PCDH9: variants seen among roughly 807,000 people sequenced by gnomAD.
The protein encoded by PCDH9 is protocadherin 9.
Under a neutral mutation model 70.6 loss-of-function variants are expected in PCDH9, and 24 were observed. That is an observed-to-expected ratio of 0.34 (90% CI 0.25 to 0.48). The LOEUF (loss-of-function observed/expected upper bound fraction) is 0.48. Ranked by LOEUF, PCDH9 falls within the 20% of genes least tolerant of loss-of-function variation. The pLI is 0.99. For missense variants in PCDH9, 1,281 were observed against 1,503.6 expected, an observed-to-expected ratio of 0.85 and a Z score of 2.45; for synonymous variants, 562 against 558.5, an observed-to-expected ratio of 1.01 and a Z score of -0.09.
chr13:66,758,703 T>C (rs766689681), intron 3 of PCDH9, among the ~76,000 whole-genome samples: 5 of 152,052 alleles, frequency 3.3e-5, no homozygotes, highest in Non-Finnish European at 5.9e-5. Context: ...TTGGTATTAA[T>C]TATTCTTTAA....
At chr13:66,536,598 A>G (rs1960713459) in intron 4 of PCDH9, among the ~76,000 whole-genome samples, 1 of 152,174 alleles carries the variant, frequency 6.6e-6, no homozygotes, top group African/African-American at 2.4e-5. Flanking sequence ...CAATACAAAT[A>G]CAAATGACCA....
rs920454197 is a variant in PCDH9 at position 67,154,117 on chromosome 13, C to A, written c.3036+71288G>T. Among the ~76,000 whole-genome samples the A allele has an allele frequency of 7.9e-5, 12 of 151,994 alleles. No individual in the cohort carries two copies. The South Asian group carries it at 1.7e-3, about 21-fold the overall frequency. ...TCCTCCTATAAGACAAAAAACAGTACATGTATATAAGATAATTAAGCACTA... is the reference window on the plus strand; with the variant it reads ...TCCTCCTATAAGACAAAAAACAGTAAATGTATATAAGATAATTAAGCACTA... On this transcript the variant is annotated intron_variant, in intron 2 of 4. Transcript: ENST00000377865.
chr13:66,369,594 A>T (rs1182788187), intron 4 of PCDH9, among the ~76,000 whole-genome samples: 1 of 152,126 alleles, frequency 6.6e-6, no homozygotes, highest in African/African-American at 2.4e-5. Context: ...TTTTTTGAAA[A>T]AGAAGGTAAT....
chr13:67,054,097 A>T (rs547014674), intron 2 of PCDH9, among the ~76,000 whole-genome samples: 203 of 152,278 alleles, frequency 1.3e-3, no homozygotes, highest in African/African-American at 4.7e-3. Context: ...GACTGGTGAA[A>T]TAACTGGCAA....
intron 2 of PCDH9, among the ~76,000 whole-genome samples, chr13:67,110,871 C>T (rs569402998): frequency 1.3e-5 from 2 of 152,294 alleles, no homozygotes; most frequent in East Asian, 3.9e-4. Context: ...TATCCTGTTA[C>T]CCTGTTTCGT....
intron 2 of PCDH9, among the ~76,000 whole-genome samples, chr13:67,164,971 A>G (rs1344900429): frequency 2.6e-5 from 4 of 152,284 alleles, no homozygotes; most frequent in Admixed American, 2.0e-4. Flanking sequence ...TACCTCCATG[A>G]AAGCCCCAGC....
At chr13:66,531,618 T>C (rs774759220) in intron 4 of PCDH9, among the ~76,000 whole-genome samples, 6 of 152,128 alleles carry the variant, frequency 3.9e-5, no homozygotes, top group African/African-American at 7.2e-5. Flanking sequence ...CTAAGTAATA[T>C]TGATTATGCT....
chr13:66,518,545 A>T (rs1959847150), intron 4 of PCDH9, among the ~76,000 whole-genome samples: 2 of 152,144 alleles, frequency 1.3e-5, no homozygotes, highest in South Asian at 2.1e-4. Context: ...ATGAAAGCAC[A>T]CTTTTTTATG....
At chr13:66,822,015 C>T (rs2080719535) in intron 3 of PCDH9, among the ~76,000 whole-genome samples, 1 of 152,058 alleles carries the variant, frequency 6.6e-6, no homozygotes, top group Admixed American at 6.6e-5. Flanking sequence ...TTTGATGCCT[C>T]AACCTATATC....
At chr13:66,455,673 C>G (rs949697034) in intron 4 of PCDH9, among the ~76,000 whole-genome samples, 4 of 152,022 alleles carry the variant, frequency 2.6e-5, no homozygotes, top group Non-Finnish European at 4.4e-5. Context: ...TAGAATAAAA[C>G]TGAATGTGAT....
intron 3 of PCDH9, among the ~76,000 whole-genome samples, chr13:66,753,202 A>T (rs554252107): frequency 7.9e-5 from 12 of 152,284 alleles, no homozygotes; most frequent in African/African-American, 2.9e-4. Flanking sequence ...TTTTGCCTTA[A>T]ACATTTTCAT....
chr13:67,049,308 T>C (rs1251145693), intron 2 of PCDH9, among the ~76,000 whole-genome samples: 4 of 151,670 alleles, frequency 2.6e-5, no homozygotes, highest in Non-Finnish European at 5.9e-5. Context: ...TATGAGGATG[T>C]ATTAAGGACA....
At chr13:66,471,933 G>A (rs371298189) in intron 4 of PCDH9, among the ~76,000 whole-genome samples, 9 of 152,196 alleles carry the variant, frequency 5.9e-5, no homozygotes, top group African/African-American at 1.9e-4. Flanking sequence ...AAATGTGGCC[G>A]GGCGCAGTGG....
At chr13:67,106,274 A>C (rs1202929510) in intron 2 of PCDH9, among the ~76,000 whole-genome samples, 1 of 152,284 alleles carries the variant, frequency 6.6e-6, no homozygotes, top group East Asian at 1.9e-4. Context: ...TATCCATCCT[A>C]GGCATTTTAA....
chr13:66,933,983 C>T (rs1219784788), intron 2 of PCDH9, among the ~76,000 whole-genome samples: 1 of 151,330 alleles, frequency 6.6e-6, no homozygotes, highest in African/African-American at 2.4e-5. Context: ...TGTAATCATG[C>T]TGAACAAAAT....
intron 4 of PCDH9, among the ~76,000 whole-genome samples, chr13:66,569,813 T>A (rs2076707300): frequency 6.6e-6 from 1 of 152,124 alleles, no homozygotes; most frequent in Non-Finnish European, 1.5e-5. Flanking sequence ...TCTGTTGTAT[T>A]GGGAATATAA....
intron 4 of PCDH9, among the ~76,000 whole-genome samples, chr13:66,415,905 T>C (rs558793470): frequency 1.3e-5 from 2 of 152,242 alleles, no homozygotes; most frequent in Admixed American, 6.5e-5. Context: ...AATACTTCCC[T>C]TTTTAAAAAT....
Position 66,934,547 on chromosome 13 carries a change from A to G in PCDH9, c.3037-30942T>C, listed in dbSNP as rs113748951. Among the ~76,000 whole-genome samples the G allele has an allele frequency of 7.5e-5, 11 of 145,788 alleles. No homozygotes were observed. The East Asian group carries it at 8.3e-4, about 11-fold the overall frequency. On this transcript the variant is annotated intron_variant, in intron 2 of 4. Transcript: ENST00000377865. Reference sequence around the variant, plus strand: ...CAATAGTGAAACTCAGTCCCAAAAAAAAAAAAAAAAGAAAAAGAAAAATAC... The same window carrying G: ...CAATAGTGAAACTCAGTCCCAAAAAGAAAAAAAAAAGAAAAAGAAAAATAC...
intron 4 of PCDH9, among the ~76,000 whole-genome samples, chr13:66,312,178 T>C (rs529674001): frequency 6.6e-6 from 1 of 152,268 alleles, no homozygotes; most frequent in East Asian, 1.9e-4. Context: ...TACCTATAAA[T>C]TGAGAGGATA....
Sources: gnomAD v4.1 joint callset for allele counts (sites outside exome capture counted in the v4.1 genomes callset) on GRCh38, gnomAD v4.1.1 for gene constraint, MANE v1.5 for transcripts, NCBI Gene and HGNC (gene_info 2026-07-23, HGNC 2026-07-21) for gene names.